The following DYM variants were observed in gnomAD, a reference collection of about 807,000 sequenced individuals.
DYM encodes dymeclin.
DYM carries 78 observed loss-of-function variants against 93.1 expected under a neutral mutation model. The ratio of observed to expected loss-of-function variants is 0.84; its 90% CI spans 0.70 to 1.01. DYM has a LOEUF of 1.01. Among genes scored for constraint, DYM ranks in the 50% least tolerant of loss-of-function variants. DYM has a pLI of 0.00. For missense variants in DYM, 789 were observed against 845.0 expected (o/e 0.93, Z 0.82); for synonymous variants, 321 against 319.7 (o/e 1.00, Z -0.04).
chr18:49,365,177 A>T (rs546043493), intron 5 of DYM, among the ~76,000 whole-genome samples: 1 of 152,326 alleles, frequency 6.6e-6, no homozygotes, highest in East Asian at 1.9e-4. Flanking sequence ...AAGTTTAGCA[A>T]TTTCTTTTCT....
At chr18:49,455,628 A>T (rs2082914887) in intron 1 of DYM, among the ~76,000 whole-genome samples, 1 of 152,210 alleles carries the variant, frequency 6.6e-6, no homozygotes, top group Admixed American at 6.5e-5. Context: ...AAAAGTATGT[A>T]GGTTAGTCTG....
intron 13 of DYM, among the ~76,000 whole-genome samples, chr18:49,235,914 G>C (rs1197769894): frequency 6.6e-6 from 1 of 151,916 alleles, no homozygotes; most frequent in African/African-American, 2.4e-5. Flanking sequence ...AGGAATCAGA[G>C]ACTTCTGCAA....
chr18:49,120,185 T>G (rs1345827707), intron 15 of DYM, among the ~76,000 whole-genome samples: 1 of 138,814 alleles, frequency 7.2e-6, no homozygotes, highest in Admixed American at 7.0e-5. Flanking sequence ...GCAGAAAAAA[T>G]GCAAATGAAA....
At chr18:49,097,543 C>G in intron 16 of DYM, 28 bp from the exon 17 acceptor site, 2 of 1,586,110 alleles carry the variant, frequency 1.3e-6, no homozygotes, top group Non-Finnish European at 8.7e-7. Flanking sequence ...ATTTTTTAAA[C>G]AAGAAGAGGT....
At chr18:49,458,475 G>C (rs2083187699) in intron 1 of DYM, among the ~76,000 whole-genome samples, 1 of 152,108 alleles carries the variant, frequency 6.6e-6, no homozygotes, top group African/African-American at 2.4e-5. Flanking sequence ...CTTTTTTAAA[G>C]TACAGTAAAT....
In DYM at chr18:49,244,466, A is replaced by G. The variant is rs568383117; in HGVS notation, c.1460+12544T>C. Among the ~76,000 whole-genome samples the G allele has an allele frequency of 4.5e-4, 68 of 152,358 alleles. 4 individuals carry two copies. In the South Asian group the frequency reaches 0.013, roughly 30 times the overall value. ...GTTATATTAAACGACCAAGTACACA[A>G]ATTACTTGTTTTTAATTTAAAACTT... On this transcript the variant is annotated intron_variant, in intron 13 of 17. Coordinates refer to ENST00000675505, the MANE Select transcript of DYM (RefSeq NM_001353214.3).
rs369618496 is a variant in DYM, at chr18:49,062,173, G to GGA, written c.2026-17971_2026-17970dup. ...TTTATCTTCAAAGGTTAGAAAACGG[G>GGA]GAGAGAGAGACTGGGAGAAAGTCCC... On this transcript the variant is annotated intron_variant, in intron 17 of 17. Coordinates refer to ENST00000675505, the MANE Select transcript of DYM (RefSeq NM_001353214.3). Among the ~76,000 whole-genome samples, 401 of 152,284 alleles carry GGA rather than the reference G, an allele frequency of 2.6e-3. 9 individuals carry two copies. In the East Asian group the frequency reaches 0.042, roughly 16 times the overall value.
At chr18:49,056,313 C>G (rs555133890) in intron 17 of DYM, among the ~76,000 whole-genome samples, 1 of 152,326 alleles carries the variant, frequency 6.6e-6, no homozygotes, top group East Asian at 1.9e-4. Context: ...ATACTTGAAA[C>G]TCTGTTTTCC....
At chr18:49,209,457 A>T in intron 14 of DYM, 94 bp downstream of exon 14, 3 of 833,470 alleles carry the variant, frequency 3.6e-6, no homozygotes, top group Non-Finnish European at 4.6e-6. Context: ...TGTTCTCTTT[A>T]ATAATTTAAT....
chr18:49,185,864 T>C (rs1309690062), intron 14 of DYM, among the ~76,000 whole-genome samples: 4 of 152,166 alleles, frequency 2.6e-5, no homozygotes, highest in Admixed American at 6.5e-5. Context: ...CTAAGCACCA[T>C]ATGCACAATG....
At chr18:49,281,204 G>A (rs1317279243) in intron 10 of DYM, among the ~76,000 whole-genome samples, 1 of 152,204 alleles carries the variant, frequency 6.6e-6, no homozygotes, top group Non-Finnish European at 1.5e-5. Flanking sequence ...ATGAAAAAAT[G>A]CTCATCATCA....
Position 49,373,021 on chromosome 18 carries a change from T to TG in DYM, c.421+5545dup, listed in dbSNP as rs530637329. 5.3e-4 allele frequency among the ~76,000 whole-genome samples: 81 copies of TG among 152,034 alleles called. No individual in the cohort carries two copies. The East Asian group carries it at 0.015, about 29-fold the overall frequency. On this transcript the variant is annotated intron_variant, in intron 5 of 17. Coordinates refer to ENST00000675505, the MANE Select transcript of DYM (RefSeq NM_001353214.3). ...CTTGCTTCTCAAGCTTGGACAAGGG[T>TG]GGGGGGTGCAGGGATACTCTGAGAT...
intron 2 of DYM, among the ~76,000 whole-genome samples, chr18:49,427,885 C>T (rs140906503): frequency 6.6e-6 from 1 of 152,192 alleles, no homozygotes; most frequent in African/African-American, 2.4e-5. Context: ...GGTGTTCGTT[C>T]AAGACCAGCC....
chr18:49,336,649 T>C (rs1385371387), intron 6 of DYM, among the ~76,000 whole-genome samples: 2 of 152,200 alleles, frequency 1.3e-5, no homozygotes, highest in Admixed American at 1.3e-4. Flanking sequence ...AAATATTGAT[T>C]AAAAATTTAT....
intron 8 of DYM, among the ~76,000 whole-genome samples, chr18:49,331,288 T>C (rs950044189): frequency 1.3e-5 from 2 of 152,348 alleles, no homozygotes; most frequent in Non-Finnish European, 2.9e-5. Context: ...GTAGTCTGAA[T>C]ACTGTGAAGT....
intron 8 of DYM, among the ~76,000 whole-genome samples, chr18:49,300,243 A>G (rs1170708687): frequency 6.6e-6 from 1 of 151,822 alleles, no homozygotes; most frequent in African/African-American, 2.4e-5. Context: ...AACATAAATA[A>G]TAAACTTAAC....
intron 2 of DYM, among the ~76,000 whole-genome samples, chr18:49,426,755 ATGTG>A (rs59381977): frequency 0.18 from 26,529 of 147,494 alleles, 2,482 homozygotes; most frequent in East Asian, 0.25. Context: ...ACTGGAAAAC[ATGTG>A]TGTGTGTGTG....
At chr18:49,091,583 G>A (rs2079055836) in intron 17 of DYM, among the ~76,000 whole-genome samples, 1 of 152,104 alleles carries the variant, frequency 6.6e-6, no homozygotes, top group African/African-American at 2.4e-5. Context: ...TCACACAGCG[G>A]CTGATGTTAA....
intron 10 of DYM, among the ~76,000 whole-genome samples, chr18:49,280,944 T>C (rs1016727671): frequency 2.0e-5 from 3 of 152,040 alleles, no homozygotes; most frequent in Non-Finnish European, 4.4e-5. Flanking sequence ...AAGCCAAAAT[T>C]GACAAATGGG....
Sources: allele counts gnomAD v4.1 joint callset (sites outside exome capture counted in the v4.1 genomes callset), GRCh38; gene constraint gnomAD v4.1.1; transcripts MANE v1.5; gene names NCBI Gene and HGNC (gene_info 2026-07-23, HGNC 2026-07-21).